SLC14A2: variants seen among roughly 807,000 people sequenced by gnomAD.
SLC14A2 encodes solute carrier family 14 member 2, also known as urea transporter 2.
A neutral mutation model predicts 104.6 loss-of-function variants in SLC14A2; 91 were observed. The observed-to-expected ratio is 0.87, with a 90% confidence interval of 0.73 to 1.04. The LOEUF (loss-of-function observed/expected upper bound fraction) is 1.04. Ranked by LOEUF, SLC14A2 falls within the 50% of genes least tolerant of loss-of-function variation. The probability of loss-of-function intolerance (pLI) is 0.00; values close to 1 mark genes in which losing one functional copy is unlikely to be tolerated. For missense variants in SLC14A2, 1,189 were observed against 1,156.0 expected (o/e 1.03, Z -0.41); for synonymous variants, 476 against 466.4 (o/e 1.02, Z -0.27).
At chr18:45,540,239 C>T (rs2043865749) in intron 2 of SLC14A2, among the ~76,000 whole-genome samples, 1 of 152,138 alleles carries the variant, frequency 6.6e-6, no homozygotes, top group East Asian at 1.9e-4. Flanking sequence ...ACTCTCCTTC[C>T]TGGCCCCCTT....
At chr18:45,407,054 G>T (rs1477274208) in intron 1 of SLC14A2, among the ~76,000 whole-genome samples, 2 of 152,158 alleles carry the variant, frequency 1.3e-5, no homozygotes, top group Non-Finnish European at 2.9e-5. Flanking sequence ...GAGTCACCCT[G>T]TCCTTTGAAG....
intron 2 of SLC14A2, among the ~76,000 whole-genome samples, chr18:45,553,510 C>G (rs980701250): frequency 1.2e-4 from 18 of 152,074 alleles, no homozygotes; most frequent in East Asian, 1.9e-4. Flanking sequence ...TTTGAAGAGT[C>G]AAGAACAGCT....
rs1000803949 is a variant in SLC14A2 at position 45,400,342 on chromosome 18, C to T, written c.-124-82891C>T. The stretch of plus-strand genomic sequence containing the variant: ...CAAGGCAGTCATTTTGTAGAATATC[C>T]CTCAACTTGGGTTGACCCAACCCTT... On this transcript the variant is annotated intron_variant, in intron 1 of 20. Coordinates refer to the SLC14A2 transcript ENST00000586448. Among the ~76,000 whole-genome samples the T allele has an allele frequency of 2.0e-5, 3 of 152,156 alleles. No individual in the cohort carries two copies. The East Asian group carries it at 5.8e-4, about 29-fold the overall frequency.
chr18:45,315,414 T>G (rs1200798528), intron 1 of SLC14A2, among the ~76,000 whole-genome samples: 1 of 152,058 alleles, frequency 6.6e-6, no homozygotes, highest in African/African-American at 2.4e-5. Context: ...AAAGAAGGAA[T>G]GTTTGGGATA....
Position 45,682,381 on chromosome 18 carries a change from G to A in SLC14A2, c.2625G>A (p.Thr875=), listed in dbSNP as rs140903111. The A allele has an allele frequency of 4.5e-5, 73 of 1,614,042 alleles. No homozygotes were observed. The Middle Eastern group carries it at 1.5e-3, about 33-fold the overall frequency. The change falls in exon 20 of 20, where the codon ACG becomes ACA. Residue 875 remains threonine, a synonymous_variant. Transcript: ENST00000255226. ...CAGCTCTCACCTTCCTGCTCCTGAC[G>A]ACCAATAACCCCGCCATCTACAAGC... The part of the protein sequence containing the change: ...CLSALTFLLL[T]TNNPAIYKLP...
At chr18:45,309,685 A>ATTGG (rs2085058613) in intron 1 of SLC14A2, among the ~76,000 whole-genome samples, 2 of 152,284 alleles carry the variant, frequency 1.3e-5, no homozygotes, top group South Asian at 2.1e-4. Context: ...TTTAAAAAAA[A>ATTGG]TTGGTTTTGT....
intron 1 of SLC14A2, among the ~76,000 whole-genome samples, chr18:45,228,755 C>T (rs541949771): frequency 1.1e-4 from 16 of 152,188 alleles, no homozygotes; most frequent in African/African-American, 3.6e-4. Context: ...TGTAAAATGC[C>T]GCTCGTCACC....
chr18:45,564,348 C>T (rs1490684083), intron 2 of SLC14A2, among the ~76,000 whole-genome samples: 2 of 152,290 alleles, frequency 1.3e-5, no homozygotes, highest in East Asian at 3.9e-4. Context: ...TATATGCTTC[C>T]AGTGCTGGGC....
intron 1 of SLC14A2, among the ~76,000 whole-genome samples, chr18:45,451,985 A>C (rs1249265667): frequency 2.6e-5 from 4 of 152,182 alleles, no homozygotes; most frequent in Non-Finnish European, 5.9e-5. Flanking sequence ...TGAGATGACA[A>C]AAAGCTCAGT....
intron 1 of SLC14A2, among the ~76,000 whole-genome samples, chr18:45,364,236 T>C (rs1368504973): frequency 6.6e-6 from 1 of 151,988 alleles, no homozygotes; most frequent in Non-Finnish European, 1.5e-5. Flanking sequence ...ATCATATACT[T>C]CTGGTATTCC....
At chr18:45,174,535 G>A in the SLC14A2 span, among the ~76,000 whole-genome samples, 4 of 151,882 alleles carry the variant, frequency 2.6e-5, no homozygotes, top group Non-Finnish European at 2.9e-5. Flanking sequence ...CAGAATCACC[G>A]CTTAAAAAAA....
chr18:45,633,645 T>C (rs571187087), intron 5 of SLC14A2, among the ~76,000 whole-genome samples: 2 of 152,340 alleles, frequency 1.3e-5, no homozygotes, highest in Non-Finnish European at 2.9e-5. Context: ...TGTTCTCAAC[T>C]TCCCTCAAAC....
chr18:45,461,313 G>A (rs1272888186), intron 1 of SLC14A2, among the ~76,000 whole-genome samples: 1 of 152,112 alleles, frequency 6.6e-6, no homozygotes, highest in East Asian at 1.9e-4. Flanking sequence ...TTTGCATTAG[G>A]GAACACTGGA....
At chr18:45,247,861 T>G (rs1568120034) in intron 1 of SLC14A2, among the ~76,000 whole-genome samples, 1 of 152,154 alleles carries the variant, frequency 6.6e-6, no homozygotes, top group Non-Finnish European at 1.5e-5. Flanking sequence ...TAGGAGAGAA[T>G]GGAGCTGACA....
intron 1 of SLC14A2, among the ~76,000 whole-genome samples, chr18:45,441,659 G>A (rs1035128092): frequency 5.9e-5 from 9 of 152,224 alleles, no homozygotes; most frequent in African/African-American, 2.2e-4. Flanking sequence ...CATCTACATG[G>A]ATGGATGCCA....
intron 1 of SLC14A2, among the ~76,000 whole-genome samples, chr18:45,443,831 T>C (rs2086720811): frequency 6.6e-6 from 1 of 152,170 alleles, no homozygotes; most frequent in South Asian, 2.1e-4. Context: ...GTGTAAGGCA[T>C]TCCCTCTCTT....
At chr18:45,641,951 T>A (rs1375633684) in intron 8 of SLC14A2, among the ~76,000 whole-genome samples, 1 of 152,190 alleles carries the variant, frequency 6.6e-6, no homozygotes, top group African/African-American at 2.4e-5. Context: ...CCCTGTTATA[T>A]AAATATACAA....
intron 1 of SLC14A2, among the ~76,000 whole-genome samples, chr18:45,407,108 C>G (rs1338704101): frequency 6.6e-6 from 1 of 152,196 alleles, no homozygotes; most frequent in Non-Finnish European, 1.5e-5. Context: ...CTATGAAAGT[C>G]CTAGATGGCA....
chr18:45,394,914 C>T lies in SLC14A2; in HGVS notation c.-124-88319C>T, dbSNP rs547967487. On this transcript the variant is annotated intron_variant, in intron 1 of 20. Transcript: ENST00000586448. Reference sequence around the variant, plus strand: ...GTCACTGTGAAAATCAGTATGCAGGCTCCTCAAAAAAATTAAGATAGTCCT... The same window carrying T: ...GTCACTGTGAAAATCAGTATGCAGGTTCCTCAAAAAAATTAAGATAGTCCT... Among the ~76,000 whole-genome samples, 179 of 152,178 alleles carry T rather than the reference C, an allele frequency of 1.2e-3. 1 individual carries two copies. Among genetic ancestry groups the T allele is most frequent in the African/African-American group, 4.0e-3 (165 of 41,528 alleles).
Sources: gnomAD v4.1 joint callset for allele counts (sites outside exome capture counted in the v4.1 genomes callset) on GRCh38, gnomAD v4.1.1 for gene constraint, MANE v1.5 for transcripts, NCBI Gene and HGNC (gene_info 2026-07-23, HGNC 2026-07-21) for gene names.